The following ADAM23 variants were observed in gnomAD, a reference collection of about 807,000 sequenced individuals.
ADAM23 encodes ADAM metallopeptidase domain 23, also known as disintegrin and metalloproteinase domain-containing protein 23.
ADAM23 carries 33 observed loss-of-function variants against 120.1 expected under a neutral mutation model. The ratio of observed to expected loss-of-function variants is 0.27; its 90% confidence interval spans 0.21 to 0.37. The LOEUF (loss-of-function observed/expected upper bound fraction) is 0.37, where lower values mean the gene tolerates loss of function less well. ADAM23 is among the 10% of genes least tolerant of loss of function. The pLI, the probability that ADAM23 is intolerant of heterozygous loss-of-function variation, is 1.00. For synonymous variants in ADAM23, 367 were observed against 375.2 expected (o/e 0.98, Z 0.25); for missense variants, 862 against 1,058.2 (o/e 0.81, Z 2.57).
intron 3 of ADAM23, among the ~76,000 whole-genome samples, chr2:206,515,330 TAA>T (rs1022552121): frequency 3.9e-5 from 6 of 152,204 alleles, no homozygotes; most frequent in Non-Finnish European, 7.3e-5. Flanking sequence ...AAATTAAATA[TAA>T]GTTTGCACAT....
chr2:206,471,479 G>C (rs189113812), intron 2 of ADAM23, among the ~76,000 whole-genome samples: 1 of 152,138 alleles, frequency 6.6e-6, no homozygotes, highest in Admixed American at 6.5e-5. Context: ...CTCACATGAG[G>C]CTTTTTTTTT....
chr2:206,550,599 C>CTTT (rs67340305), intron 9 of ADAM23, among the ~76,000 whole-genome samples: 10 of 137,280 alleles, frequency 7.3e-5, no homozygotes, highest in Admixed American at 1.5e-4. Flanking sequence ...GACTTATCGT[C>CTTT]TTTTTTTTTT....
chr2:206,468,568 A>T (rs933377285), intron 2 of ADAM23, among the ~76,000 whole-genome samples: 1 of 152,192 alleles, frequency 6.6e-6, no homozygotes, highest in Admixed American at 6.5e-5. Flanking sequence ...CACTATGAGC[A>T]CTTTGGTCAT....
chr2:206,517,472 A>G (rs1696758617), intron 3 of ADAM23, among the ~76,000 whole-genome samples: 1 of 152,038 alleles, frequency 6.6e-6, no homozygotes, highest in Non-Finnish European at 1.5e-5. Flanking sequence ...AAATGTTAGA[A>G]TGCCTACTCT....
intron 2 of ADAM23, among the ~76,000 whole-genome samples, chr2:206,446,729 T>G (rs1695089180): frequency 6.6e-6 from 1 of 152,310 alleles, no homozygotes; most frequent in Middle Eastern, 3.4e-3. Context: ...TTTCACATTA[T>G]TTTGAAGTGG....
intron 2 of ADAM23, among the ~76,000 whole-genome samples, chr2:206,445,991 C>T (rs943656520): frequency 5.3e-5 from 8 of 152,122 alleles, no homozygotes; most frequent in Admixed American, 5.2e-4. Flanking sequence ...AGTGTTTAAA[C>T]AGTCTGTTTC....
At chr2:206,561,014 T>A in intron 11 of ADAM23, 114 bp from the exon 12 acceptor site, 1 of 767,530 alleles carries the variant, frequency 1.3e-6, no homozygotes, top group African/African-American at 1.8e-5. Context: ...GTTTTTGATT[T>A]CTTGGAGGAG....
chr2:206,444,158 T>C, intron 1 of ADAM23, 78 bp downstream of exon 1: 1 of 1,137,034 alleles, frequency 8.8e-7, no homozygotes, highest in Non-Finnish European at 1.1e-6. Flanking sequence ...CGCGGGTCCG[T>C]GTGCTCCGGG....
rs1574535353 is a variant in ADAM23 at position 206,562,283 on chromosome 2, C to T, written c.1335C>T (p.Ser445=). The T allele has an allele frequency of 2.2e-5, 35 of 1,613,736 alleles. No homozygotes were observed. Among genetic ancestry groups the T allele is most frequent in the Non-Finnish European group, 3.0e-5 (35 of 1,179,784 alleles). Residue 445 remains serine, a synonymous_variant, in exon 13 of 26, where the codon AGC becomes AGT. Transcript: ENST00000264377. Reference sequence around the variant, plus strand: ...TTGGAATCCAATGGGAACCTTCTAGCAGAAAGCCAAGTATGTACACTGACC... The same window carrying T: ...TTGGAATCCAATGGGAACCTTCTAGTAGAAAGCCAAGTATGTACACTGACC... The part of the protein sequence containing the change: ...QNLGIQWEPS[S]RKPKCDCTES...
chr2:206,584,616 C>A (rs1306304072), intron 18 of ADAM23, among the ~76,000 whole-genome samples: 1 of 152,104 alleles, frequency 6.6e-6, no homozygotes, highest in Admixed American at 6.5e-5. Flanking sequence ...AAGACCCACC[C>A]AAGGAGAGTC....
intron 2 of ADAM23, among the ~76,000 whole-genome samples, chr2:206,474,404 T>G (rs1695731579): frequency 1.3e-5 from 2 of 152,138 alleles, no homozygotes; most frequent in South Asian, 4.2e-4. Flanking sequence ...AAATGCACAT[T>G]GGAATTTGCT....
chr2:206,556,583 A>G (rs1038413181), intron 9 of ADAM23, among the ~76,000 whole-genome samples: 18 of 152,196 alleles, frequency 1.2e-4, no homozygotes, highest in African/African-American at 4.3e-4. Flanking sequence ...CCAGTTTTCA[A>G]ATGTCCTCTT....
At chr2:206,471,843 G>A (rs1235459406) in intron 2 of ADAM23, among the ~76,000 whole-genome samples, 4 of 152,002 alleles carry the variant, frequency 2.6e-5, no homozygotes, top group Admixed American at 2.6e-4. Flanking sequence ...AAGCTTCCAT[G>A]GTAACTGTTG....
intron 3 of ADAM23, among the ~76,000 whole-genome samples, chr2:206,511,732 G>A (rs1478134229): frequency 1.3e-5 from 2 of 152,196 alleles, no homozygotes; most frequent in Non-Finnish European, 2.9e-5. Flanking sequence ...ATTTAGCTTT[G>A]TAGTTTTTAG....
chr2:206,539,001 C>T (rs978017696), intron 4 of ADAM23, among the ~76,000 whole-genome samples: 5 of 152,062 alleles, frequency 3.3e-5, no homozygotes, highest in Non-Finnish European at 5.9e-5. Context: ...AGTTATTATC[C>T]CCAGCCATTT....
chr2:206,489,096 C>A (rs1267898389), intron 3 of ADAM23, among the ~76,000 whole-genome samples: 1 of 152,154 alleles, frequency 6.6e-6, no homozygotes, highest in African/African-American at 2.4e-5. Context: ...AACAGGCCTC[C>A]TGCCTCATTT....
rs1697445881 is a variant in ADAM23, at chr2:206,548,451, A to G, written c.867+97A>G. 9.3e-6 allele frequency: 11 copies of G among 1,179,376 alleles called. No individual in the cohort carries two copies. In the South Asian group the frequency reaches 1.2e-4, roughly 12 times the overall value. 73.1% of individuals were successfully genotyped at this position (1,179,376 alleles called of 1,614,324 possible). A position where few individuals can be genotyped will look rare whatever the true frequency, so the allele number is the denominator to read the frequency against. On this transcript the variant is annotated intron_variant, in intron 8 of 25. Transcript: ENST00000264377. Reference sequence around the variant, plus strand: ...TCTAAGTGTACCTAAAACAGTTCAGATTTTGGGGACTGTTGTTTAAAAATG... The same window carrying G: ...TCTAAGTGTACCTAAAACAGTTCAGGTTTTGGGGACTGTTGTTTAAAAATG...
At chr2:206,508,512 C>T (rs534746540) in intron 3 of ADAM23, among the ~76,000 whole-genome samples, 2 of 151,282 alleles carry the variant, frequency 1.3e-5, no homozygotes, top group East Asian at 2.0e-4. Flanking sequence ...AAAAATTAGC[C>T]GGGCGTGGTG....
rs1040894829 is a variant in ADAM23 at position 206,619,496 on chromosome 2, C to A, written c.*1869C>A. ...TAGTAAAGACTGTCCCAAAGAGCCCCTACTTCTCTAATGCCCCCCCCCTTT... is the reference window on the plus strand; with the variant it reads ...TAGTAAAGACTGTCCCAAAGAGCCCATACTTCTCTAATGCCCCCCCCCTTT... On this transcript the variant is annotated 3_prime_UTR_variant, in exon 26 of 26. Transcript: ENST00000264377. 7.0e-6 allele frequency: 1 copy of A among 142,500 alleles called. No homozygotes were observed. The highest frequency in any genetic ancestry group is 2.6e-5 in the African/African-American group (1 of 38,038). The allele number at this position is 142,500 out of a possible 1,614,324, so 8.8% of individuals were successfully genotyped here. A position where few individuals can be genotyped will look rare whatever the true frequency, so the allele number is the denominator to read the frequency against.
Sources: allele counts gnomAD v4.1 joint callset (sites outside exome capture counted in the v4.1 genomes callset), GRCh38; gene constraint gnomAD v4.1.1; transcripts MANE v1.5; gene names NCBI Gene and HGNC (gene_info 2026-07-23, HGNC 2026-07-21).